Variants in ARID1A observed in about 807,000 individuals in gnomAD.
ARID1A encodes the protein AT-rich interactive domain-containing protein 1A.
In ARID1A, 20 loss-of-function variants were observed where a neutral mutation model predicts 212.6. The observed-to-expected ratio is 0.09, with a 90% CI of 0.07 to 0.14. The LOEUF is 0.14. Ranked by LOEUF, ARID1A falls within the 10% of genes least tolerant of loss-of-function variation. ARID1A has a pLI of 1.00. For missense variants in ARID1A, 2,587 were observed against 3,059.0 expected, an observed-to-expected ratio of 0.85 and a Z score of 3.64; for synonymous variants, 1,376 against 1,222.1, an observed-to-expected ratio of 1.13 and a Z score of -2.63.
intron 18 of ARID1A, 140 bp from the exon 19 acceptor site, chr1:26,775,437 G>A (rs2081125932): frequency 1.4e-6 from 2 of 1,400,242 alleles, no homozygotes; most frequent in Admixed American, 2.4e-5. Flanking sequence ...GCCATGAGGG[G>A]CTGGTGTGTT....
chr1:26,726,170 TTTTG>T (rs1463803692), intron 1 of ARID1A, among the ~76,000 whole-genome samples: 12 of 147,456 alleles, frequency 8.1e-5, no homozygotes, highest in Admixed American at 3.4e-4. Flanking sequence ...GTTTGTTTTT[TTTTG>T]TTTTTTTTTT....
intron 1 of ARID1A, among the ~76,000 whole-genome samples, chr1:26,720,715 A>ATGGGGTG (rs2080555365): frequency 6.6e-6 from 1 of 151,788 alleles, no homozygotes; most frequent in South Asian, 2.1e-4. Flanking sequence ...CATCTCTACA[A>ATGGGGTG]AAACTGGCTA....
intron 4 of ARID1A, among the ~76,000 whole-genome samples, chr1:26,740,032 T>C (rs917682560): frequency 1.3e-5 from 2 of 151,922 alleles, no homozygotes; most frequent in Admixed American, 1.3e-4. Context: ...CAAGTTATGT[T>C]AATGCTTTAA....
In ARID1A at chr1:26,760,840, T is replaced by C. The variant is rs2080984708; in HGVS notation, c.1921-16T>C. Reference sequence around the variant, plus strand: ...GCCTAATATTACTAATCCATGTTCTTATATATATGTTCTAGGATCTATCTG... The same window carrying C: ...GCCTAATATTACTAATCCATGTTCTCATATATATGTTCTAGGATCTATCTG... On this transcript the variant is annotated splice_polypyrimidine_tract_variant and intron_variant, in intron 4 of 19. Coordinates refer to ENST00000324856, the MANE Select transcript of ARID1A (RefSeq NM_006015.6). 1 of 1,600,796 alleles carries C rather than the reference T, an allele frequency of 6.2e-7. No individual in the cohort carries two copies. The highest frequency in any genetic ancestry group is 1.3e-5 in the African/African-American group (1 of 74,576).
In ARID1A at chr1:26,696,504, A is replaced by C; in HGVS notation, c.101A>C (p.Glu34Ala). ...LKKAEQQQRE[E>A]AGGEAAAAAA... is the part of the protein sequence containing the mutation. ...AAAGCCGAGCAGCAGCAGCGGGAGG[A>C]GGCGGGGGGCGAGGCGGCGGCGGCG... The change falls in exon 1 of 20, where the codon GAG becomes GCG. Residue 34 changes from glutamate to alanine, a missense_variant. Physicochemically the swap from Glu to Ala is moderately radical, Grantham distance 107. Coordinates refer to ENST00000324856, the MANE Select transcript of ARID1A (RefSeq NM_006015.6). 8.2e-7 allele frequency: 1 copy of C among 1,226,768 alleles called. No individual in the cohort carries two copies. The highest frequency in any genetic ancestry group is 1.0e-6 in the Non-Finnish European group (1 of 987,104). 76.0% of individuals were successfully genotyped at this position (1,226,768 alleles called of 1,614,324 possible).
intron 4 of ARID1A, among the ~76,000 whole-genome samples, chr1:26,734,346 T>C (rs1005715573): frequency 6.8e-6 from 1 of 146,382 alleles, no homozygotes; most frequent in Non-Finnish European, 1.5e-5. Context: ...TTGGCTTCTT[T>C]TTTTTTTTTT....
chr1:26,775,881 A>G, intron 19 of ARID1A, 174 bp downstream of exon 19: 4 of 929,806 alleles, frequency 4.3e-6, no homozygotes, highest in South Asian at 1.4e-5. Flanking sequence ...TTTGACAGCA[A>G]TAATAATTTG....
In ARID1A at chr1:26,771,391, G is replaced by C. The variant is rs1287963302; in HGVS notation, c.3406+65G>C. ...CCTGTTGCCCTGGCCTCTTATTCAG[G>C]ATATGAATAAGAGGCTTATCCAACA... is the stretch of plus-strand genomic sequence containing the variant. On this transcript the variant is annotated intron_variant, in intron 12 of 19. Coordinates refer to ENST00000324856, the MANE Select transcript of ARID1A (RefSeq NM_006015.6). This position sits in a 1 kb window ranked among gnomAD's most constrained non-coding sequence, Gnocchi z 5.4. 6.7e-6 allele frequency: 10 copies of C among 1,494,238 alleles called. No individual in the cohort carries two copies. The East Asian group carries it at 2.3e-4, about 34-fold the overall frequency. 92.6% of individuals were successfully genotyped at this position (1,494,238 alleles called of 1,614,324 possible).
intron 12 of ARID1A, chr1:26,772,090 C>T (rs1470903035): frequency 5.1e-6 from 1 of 195,802 alleles, no homozygotes; most frequent in Non-Finnish European, 1.1e-5. Context: ...TCCTAGACTC[C>T]TAAAATGCAT....
chr1:26,741,601 T>G (rs1287269968), intron 4 of ARID1A, among the ~76,000 whole-genome samples: 1 of 152,198 alleles, frequency 6.6e-6, no homozygotes, highest in Non-Finnish European at 1.5e-5. Context: ...TCCACTGGAT[T>G]AATTTCTAAG....
intron 6 of ARID1A, 144 bp from the exon 7 acceptor site, chr1:26,762,008 C>A: frequency 2.2e-6 from 2 of 898,492 alleles, no homozygotes; most frequent in Non-Finnish European, 3.2e-6. Context: ...TAAAATGACA[C>A]ACCACTATAT....
chr1:26,745,833 C>T (rs1006249976), intron 4 of ARID1A, among the ~76,000 whole-genome samples: 3 of 152,296 alleles, frequency 2.0e-5, no homozygotes, highest in Non-Finnish European at 4.4e-5. Flanking sequence ...GGTGAGATCA[C>T]CTGAGGTTGG....
intron 8 of ARID1A, 89 bp downstream of exon 8, chr1:26,763,374 A>AG (rs1188114164): frequency 1.1e-5 from 16 of 1,406,490 alleles, no homozygotes; most frequent in East Asian, 5.0e-5. Context: ...GACCTAAACC[A>AG]GGGGGGGAAA....
rs1341298575 is a variant in ARID1A at position 26,760,886 on chromosome 1, A to C, written c.1951A>C (p.Met651Leu). The change falls in exon 5 of 20, where the codon ATG (methionine) becomes CTG (leucine). Residue 651 changes from methionine (M) to leucine (L), a missense_variant. Met to Leu is a conservative substitution (Grantham distance 15, BLOSUM62 2). This residue lies in a region of ARID1A where 674 missense variants were observed against 813.4 expected (regional missense o/e 0.83). Transcript: ENST00000324856. ...DLSGSIDDLP[M>L]GTEGALSPGV... ...ATCTGGTTCAATAGATGACCTCCCC[A>C]TGGGGACAGAAGGAGCTCTGAGTCC... The C allele has an allele frequency of 2.5e-6, 4 of 1,613,790 alleles. No homozygotes were observed. In the African/African-American group the frequency reaches 5.3e-5, roughly 22 times the overall value.
chr1:26,725,852 C>CTT (rs71007888), intron 1 of ARID1A, among the ~76,000 whole-genome samples: 6,742 of 126,620 alleles, frequency 0.053, 285 homozygotes, highest in Non-Finnish European at 0.083. Flanking sequence ...TGGTATAAAC[C>CTT]TTTTTTTTTT....
intron 1 of ARID1A, among the ~76,000 whole-genome samples, chr1:26,713,697 C>T (rs951218382): frequency 6.6e-6 from 1 of 152,138 alleles, no homozygotes; most frequent in Non-Finnish European, 1.5e-5. Context: ...AAAAGCCTGG[C>T]TAACTAGAGG....
chr1:26,712,668 C>CAGCCT (rs2080465283), intron 1 of ARID1A, among the ~76,000 whole-genome samples: 2 of 152,188 alleles, frequency 1.3e-5, no homozygotes, highest in African/African-American at 4.8e-5. Flanking sequence ...GGACTACATA[C>CAGCCT]AGCCTGGGCA....
chr1:26,746,661 A>C (rs1304586645), intron 4 of ARID1A, among the ~76,000 whole-genome samples: 2 of 152,118 alleles, frequency 1.3e-5, no homozygotes, highest in African/African-American at 4.8e-5. Flanking sequence ...TGGGAGGCCG[A>C]GGTAGGTGGA....
At position 26,766,253 on chromosome 1, in the gene ARID1A, G is replaced by T. The variant is rs2124079409; in HGVS notation, c.2765G>T (p.Gly922Val). 2 of 1,614,036 alleles carry T rather than the reference G, an allele frequency of 1.2e-6. No homozygotes were observed. Among genetic ancestry groups the T allele is most frequent in the Non-Finnish European group, 1.7e-6 (2 of 1,179,968 alleles). ...GGCTACCCCAATATGAATCAAGGGG[G>T]CATGATGGGAACTGGACCTCCTTAT... Reference protein sequence around the residue: ...PPGYPNMNQGGMMGTGPPYGQ... With the variant: ...PPGYPNMNQGVMMGTGPPYGQ... Residue 922 changes from glycine (G) to valine (V), a missense_variant, in exon 9 of 20, where the codon GGC becomes GTC. Physicochemically the swap from Gly to Val is moderately radical, Grantham distance 109 (BLOSUM62 -3). Coordinates refer to ENST00000324856, the MANE Select transcript of ARID1A (RefSeq NM_006015.6).
Sources: gnomAD v4.1 joint callset for allele counts (sites outside exome capture counted in the v4.1 genomes callset) on GRCh38, gnomAD v4.1.1 for gene constraint, gnomAD v4.1.1 regional missense constraint, Gnocchi (gnomAD v3.1) non-coding constraint, MANE v1.5 for transcripts, NCBI Gene and HGNC (gene_info 2026-07-23, HGNC 2026-07-21) for gene names.